The following CTH variants were observed in gnomAD, a reference collection of about 807,000 sequenced individuals.
CTH encodes the protein cystathionase (cystathionine gamma-lyase).
In CTH, 41 loss-of-function variants were observed where a neutral mutation model predicts 50.6. The ratio of observed to expected loss-of-function variants is 0.81; its 90% CI spans 0.63 to 1.05. The LOEUF (loss-of-function observed/expected upper bound fraction) is 1.05, where lower values mean the gene tolerates loss of function less well. CTH is among the 50% of genes least tolerant of loss of function. The probability of loss-of-function intolerance (pLI) is 0.00; values close to 1 mark genes in which losing one functional copy is unlikely to be tolerated. For missense variants in CTH, 470 were observed against 492.6 expected (o/e 0.95, Z 0.43); for synonymous variants, 156 against 168.9 (o/e 0.92, Z 0.59).
chr1:70,431,493 A>G (rs1244614708), intron 7 of CTH, among the ~76,000 whole-genome samples: 1 of 152,216 alleles, frequency 6.6e-6, no homozygotes, highest in African/African-American at 2.4e-5. Flanking sequence ...TCTCCAGTAT[A>G]GTTAAAGATT....
intron 1 of CTH, 83 bp downstream of exon 1, chr1:70,411,666 T>G (rs1400886508): frequency 6.5e-7 from 1 of 1,542,866 alleles, no homozygotes; most frequent in African/African-American, 1.4e-5. Context: ...TGTAAGTAAT[T>G]TATAATATGA....
chr1:70,439,037 T>G (rs1684662383), intron 11 of CTH, 64 bp from the exon 12 acceptor site: 1 of 1,553,284 alleles, frequency 6.4e-7, no homozygotes, highest in Non-Finnish European at 8.9e-7. Context: ...AAGGACTTCT[T>G]GAGGAGTTGA....
intron 3 of CTH, among the ~76,000 whole-genome samples, chr1:70,420,095 C>T (rs1005014846): frequency 6.6e-6 from 1 of 151,164 alleles, no homozygotes; most frequent in African/African-American, 2.4e-5. Context: ...CGGGTTCAAG[C>T]GATTCTCCTG....
intron 6 of CTH, 137 bp downstream of exon 6, chr1:70,429,988 T>C: frequency 1.5e-6 from 1 of 684,566 alleles, no homozygotes; most frequent in South Asian, 1.7e-5. Flanking sequence ...AAAAATCCTT[T>C]GATTAAATGT....
In CTH at chr1:70,421,572, A is replaced by G. The variant is rs899554562; in HGVS notation, c.353A>G (p.Asn118Ser). Residue 118 changes from asparagine (N) to serine (S), a missense_variant, in exon 4 of 12, where the codon AAC becomes AGC. Transcript: ENST00000370938. ...ICMDDVYGGT[N>S]RYFRQVASEF... Reference sequence around the variant, plus strand: ...TGATTCCCTTCTGTCTCAGGTACAAACAGGTACTTCAGGCAAGTGGCATCT... The same window carrying G: ...TGATTCCCTTCTGTCTCAGGTACAAGCAGGTACTTCAGGCAAGTGGCATCT... 1 of 1,613,894 alleles carries G rather than the reference A, an allele frequency of 6.2e-7. No homozygotes were observed. The highest frequency in any genetic ancestry group is 8.5e-7 in the Non-Finnish European group (1 of 1,179,884).
intron 2 of CTH, among the ~76,000 whole-genome samples, chr1:70,417,141 C>A (rs1355495099): frequency 6.6e-6 from 1 of 151,896 alleles, no homozygotes; most frequent in Non-Finnish European, 1.5e-5. Flanking sequence ...TGAAGAGAGT[C>A]TTGTGTATTC....
chr1:70,437,011 T>G (rs1684612067), intron 10 of CTH, among the ~76,000 whole-genome samples: 1 of 152,178 alleles, frequency 6.6e-6, no homozygotes. Flanking sequence ...ATTCTGTGTC[T>G]CCCAACTCTG....
chr1:70,415,722 T>C (rs934225187), intron 1 of CTH, among the ~76,000 whole-genome samples: 4 of 152,234 alleles, frequency 2.6e-5, no homozygotes, highest in African/African-American at 9.6e-5. Context: ...TGAAGTAACT[T>C]ACCTAGTGTC....
intron 3 of CTH, among the ~76,000 whole-genome samples, chr1:70,419,483 C>T (rs574488935): frequency 6.6e-6 from 1 of 152,286 alleles, no homozygotes; most frequent in East Asian, 1.9e-4. Flanking sequence ...TCTCCAGCAC[C>T]TGTTGTTTCC....
intron 10 of CTH, among the ~76,000 whole-genome samples, chr1:70,435,457 G>C (rs1684577804): frequency 6.6e-6 from 1 of 151,920 alleles, no homozygotes; most frequent in African/African-American, 2.4e-5. Flanking sequence ...TCTGATCTCT[G>C]ACCTCTAAGC....
intron 4 of CTH, among the ~76,000 whole-genome samples, chr1:70,423,206 C>T (rs1684266059): frequency 2.0e-5 from 3 of 151,752 alleles, no homozygotes; most frequent in African/African-American, 7.3e-5. Flanking sequence ...ACCATCTTAT[C>T]TTTTCCAGAG....
chr1:70,414,299 G>T (rs1051281676), intron 1 of CTH, among the ~76,000 whole-genome samples: 1 of 151,752 alleles, frequency 6.6e-6, no homozygotes, highest in Admixed American at 6.6e-5. Context: ...GGGTCATGAG[G>T]TCAGGAGATG....
At chr1:70,424,231 T>G in intron 4 of CTH, 54 bp from the exon 5 acceptor site, 1 of 1,612,748 alleles carries the variant, frequency 6.2e-7, no homozygotes, top group Non-Finnish European at 8.5e-7. Flanking sequence ...ATATGAGATG[T>G]ATGTTTGTAA....
intron 5 of CTH, among the ~76,000 whole-genome samples, chr1:70,424,866 T>C (rs146811281): frequency 0.031 from 4,710 of 152,124 alleles, 182 homozygotes; most frequent in Admixed American, 0.11. Context: ...GAGGCGGAGC[T>C]TGCAGTGAGC....
intron 1 of CTH, among the ~76,000 whole-genome samples, chr1:70,415,353 A>G (rs530596935): frequency 1.3e-5 from 2 of 152,084 alleles, no homozygotes; most frequent in Non-Finnish European, 2.9e-5. Flanking sequence ...GCAGTGAGCT[A>G]TGATTGCCCC....
At chr1:70,424,616 A>G (rs1169000073) in intron 5 of CTH, among the ~76,000 whole-genome samples, 200 bp downstream of exon 5, 2 of 152,110 alleles carry the variant, frequency 1.3e-5, no homozygotes, top group South Asian at 2.1e-4. Flanking sequence ...AATATCCTCT[A>G]TGTTACTTTG....
chr1:70,420,833 A>G (rs1684204030), intron 3 of CTH, among the ~76,000 whole-genome samples: 1 of 152,124 alleles, frequency 6.6e-6, no homozygotes, highest in African/African-American at 2.4e-5. Flanking sequence ...AAAATTGTTG[A>G]TTTTAAAGAA....
intron 1 of CTH, among the ~76,000 whole-genome samples, chr1:70,415,249 A>C (rs1684065928): frequency 6.6e-6 from 1 of 152,136 alleles, no homozygotes; most frequent in Non-Finnish European, 1.5e-5. Context: ...AAATAAAATT[A>C]AAATATTTGT....
At position 70,411,303 on chromosome 1, in the gene CTH, G is replaced by A. The variant is rs1572246949; in HGVS notation, c.-113G>A. On this transcript the variant is annotated 5_prime_UTR_variant, in exon 1 of 12. The change creates a new upstream start codon in the 5' untranslated region. Transcript: ENST00000370938. ...TGCGCTCGCCGTCGGCTCTACCTGC[G>A]TGCTTTAGCTCCTTCTCGCCTGATC... 1 of 1,089,082 alleles carries A rather than the reference G, an allele frequency of 9.2e-7. No individual in the cohort carries two copies. The highest frequency in any genetic ancestry group is 1.2e-5 in the South Asian group (1 of 80,086). The allele number at this position is 1,089,082 out of a possible 1,614,324, so 67.5% of individuals were successfully genotyped here.
Sources: gnomAD v4.1 joint callset for allele counts (sites outside exome capture counted in the v4.1 genomes callset) on GRCh38, gnomAD v4.1.1 for gene constraint, MANE v1.5 for transcripts, NCBI Gene and HGNC (gene_info 2026-07-23, HGNC 2026-07-21) for gene names.